The following AGBL4 variants were observed in gnomAD, a reference collection of about 807,000 sequenced individuals.
The protein encoded by AGBL4 is AGBL carboxypeptidase 4, also known as cytosolic carboxypeptidase 6.
AGBL4 carries 58 observed loss-of-function variants against 66.4 expected under a neutral mutation model. The observed-to-expected ratio is 0.87, with a 90% CI of 0.71 to 1.09. The LOEUF (loss-of-function observed/expected upper bound fraction) is 1.09, where lower values mean the gene tolerates loss of function less well. AGBL4 is among the 50% of genes least tolerant of loss of function. The pLI is 0.00. For synonymous variants in AGBL4, 234 were observed against 222.9 expected, an observed-to-expected ratio of 1.05 and a Z score of -0.44; for missense variants, 579 against 631.0, an observed-to-expected ratio of 0.92 and a Z score of 0.88.
chr1:49,190,475 T>C (rs1324197324), intron 4 of AGBL4, among the ~76,000 whole-genome samples: 2 of 152,212 alleles, frequency 1.3e-5, no homozygotes, highest in East Asian at 1.9e-4. Flanking sequence ...TGACTTTGCA[T>C]TCATCAGAGT....
At chr1:49,371,143 C>T (rs1644331463) in intron 3 of AGBL4, among the ~76,000 whole-genome samples, 1 of 152,084 alleles carries the variant, frequency 6.6e-6, no homozygotes, top group South Asian at 2.1e-4. Context: ...CATTGGCTCT[C>T]CAGACTGCCA....
intron 5 of AGBL4, among the ~76,000 whole-genome samples, chr1:48,945,270 G>A (rs1005396293): frequency 1.3e-5 from 2 of 152,122 alleles, no homozygotes; most frequent in African/African-American, 4.8e-5. Flanking sequence ...CACAGGGATA[G>A]TTATCTCCAT....
intron 4 of AGBL4, among the ~76,000 whole-genome samples, chr1:49,143,675 T>C (rs957874247): frequency 1.3e-5 from 2 of 152,046 alleles, no homozygotes; most frequent in African/African-American, 2.4e-5. Context: ...AGAAGTCTTA[T>C]ACATAAATAG....
At chr1:49,547,561 G>C (rs531470041) in intron 3 of AGBL4, among the ~76,000 whole-genome samples, 2 of 152,178 alleles carry the variant, frequency 1.3e-5, no homozygotes, top group South Asian at 4.2e-4. Context: ...GTATTTGATG[G>C]GGATAGCGTT....
chr1:48,921,319 C>T (rs1654055199), intron 5 of AGBL4, among the ~76,000 whole-genome samples: 1 of 152,318 alleles, frequency 6.6e-6, no homozygotes, highest in African/African-American at 2.4e-5. Context: ...ATGGCAGGGC[C>T]TGTGCTGGAC....
chr1:49,331,683 G>A (rs1557845987), intron 3 of AGBL4, among the ~76,000 whole-genome samples: 1 of 152,024 alleles, frequency 6.6e-6, no homozygotes, highest in Non-Finnish European at 1.5e-5. Context: ...GGCGGGAGAG[G>A]CAGGCTGCCA....
chr1:48,535,052 T>G, intron 12 of AGBL4, 136 bp from the exon 13 acceptor site: 1 of 844,310 alleles, frequency 1.2e-6, no homozygotes, highest in South Asian at 1.7e-5. Context: ...AAGTATGTTT[T>G]TATGGGGAAA....
At chr1:48,539,331 G>T (rs987739762) in intron 12 of AGBL4, among the ~76,000 whole-genome samples, 5 of 152,182 alleles carry the variant, frequency 3.3e-5, no homozygotes, top group African/African-American at 9.7e-5. Context: ...ATCAGGAGAG[G>T]TAGCACATAG....
intron 6 of AGBL4, chr1:48,727,881 A>C: frequency 6.3e-7 from 1 of 1,594,142 alleles, no homozygotes; most frequent in Admixed American, 1.7e-5. Context: ...TGAAAAATCC[A>C]AAGTTTATTG....
At chr1:49,099,950 C>T (rs1571445894) in intron 4 of AGBL4, among the ~76,000 whole-genome samples, 1 of 152,152 alleles carries the variant, frequency 6.6e-6, no homozygotes, top group East Asian at 1.9e-4. Flanking sequence ...CTCTTTTTCT[C>T]TCTCTCTCAT....
At chr1:48,664,590 G>A (rs2148458393) in intron 6 of AGBL4, among the ~76,000 whole-genome samples, 1 of 152,184 alleles carries the variant, frequency 6.6e-6, no homozygotes, top group East Asian at 1.9e-4. Context: ...AATCCAGAGA[G>A]TCAAAGCAAT....
At position 48,974,200 on chromosome 1, in the gene AGBL4, C is replaced by T. The variant is rs192730642; in HGVS notation, c.594+71384G>A. Among the ~76,000 whole-genome samples the T allele has an allele frequency of 9.2e-5, 14 of 152,132 alleles. No homozygotes were observed. In the East Asian group the frequency reaches 2.7e-3, roughly 30 times the overall value. On this transcript the variant is annotated intron_variant, in intron 5 of 13. Transcript: ENST00000371839. ...GGTAGAAGTGTCTTAGACTGCAGTG[C>T]AGTTCTAAGGAAAGATAGACAAGGC... is the stretch of plus-strand genomic sequence containing the variant.
chr1:48,818,462 A>AT (rs1211460590), intron 6 of AGBL4, among the ~76,000 whole-genome samples: 2 of 152,170 alleles, frequency 1.3e-5, no homozygotes, highest in African/African-American at 4.8e-5. Context: ...AAAGGCCCTG[A>AT]TTTTCACAAG....
intron 4 of AGBL4, among the ~76,000 whole-genome samples, chr1:49,131,673 G>C (rs1274290937): frequency 6.6e-6 from 1 of 152,060 alleles, no homozygotes; most frequent in Non-Finnish European, 1.5e-5. Flanking sequence ...AAAAACAAAA[G>C]CAGCAAGTTT....
chr1:48,978,475 T>C (rs1659510138), intron 5 of AGBL4, among the ~76,000 whole-genome samples: 1 of 152,162 alleles, frequency 6.6e-6, no homozygotes, highest in African/African-American at 2.4e-5. Context: ...AACCAGCCTC[T>C]TTATGTCCTC....
intron 3 of AGBL4, among the ~76,000 whole-genome samples, chr1:49,424,197 A>C (rs1291806984): frequency 2.0e-5 from 3 of 152,218 alleles, no homozygotes; most frequent in Non-Finnish European, 2.9e-5. Flanking sequence ...TTAGCAGTTC[A>C]TGATATATAA....
chr1:48,994,945 T>C (rs1660886997), intron 5 of AGBL4, among the ~76,000 whole-genome samples: 1 of 152,216 alleles, frequency 6.6e-6, no homozygotes, highest in Non-Finnish European at 1.5e-5. Context: ...GAGGATTATC[T>C]TGATAAAAGA....
At chr1:49,877,789 T>C (rs549821000) in intron 1 of AGBL4, among the ~76,000 whole-genome samples, 1 of 151,312 alleles carries the variant, frequency 6.6e-6, no homozygotes, top group South Asian at 2.1e-4. Flanking sequence ...CATCTGGTCC[T>C]GGACTCTTTT....
At chr1:48,728,150 A>C (rs1165768722) in intron 6 of AGBL4, 1 of 1,009,388 alleles carries the variant, frequency 9.9e-7, no homozygotes, top group Non-Finnish European at 1.4e-6. Flanking sequence ...CCCAAATACC[A>C]GCTTATGTAT....
Sources: gnomAD v4.1 joint callset for allele counts (sites outside exome capture counted in the v4.1 genomes callset) on GRCh38, gnomAD v4.1.1 for gene constraint, MANE v1.5 for transcripts, NCBI Gene and HGNC (gene_info 2026-07-23, HGNC 2026-07-21) for gene names.